MACROD2: variants seen among roughly 807,000 people sequenced by gnomAD.
MACROD2 encodes the protein ADP-ribose glycohydrolase MACROD2.
In MACROD2, 36 loss-of-function variants were observed where a neutral mutation model predicts 70.4. The observed-to-expected ratio is 0.51, with a 90% confidence interval of 0.39 to 0.68. The LOEUF is 0.68. Among genes scored for constraint, MACROD2 ranks in the 30% least tolerant of loss-of-function variants. The probability of loss-of-function intolerance (pLI) is 0.00; values close to 1 mark genes in which losing one functional copy is unlikely to be tolerated. For synonymous variants in MACROD2, 172 were observed against 178.8 expected (o/e 0.96, Z 0.30); for missense variants, 496 against 538.4 (o/e 0.92, Z 0.78).
rs1568825050 is a variant in MACROD2 at position 15,460,993 on chromosome 20, TATA to T, written c.571+29559_571+29561del. On this transcript the variant is annotated intron_variant, in intron 7 of 17. Coordinates refer to ENST00000684519, the MANE Select transcript of MACROD2 (RefSeq NM_001351661.2). ...CTCTCTCTCCATATATATATATATA[TATA>T]TATATATATATTTTTTTTTAATAGA... Among the ~76,000 whole-genome samples, 3 of 81,570 alleles carry T rather than the reference TATA, an allele frequency of 3.7e-5. 1 individual carries two copies. Among genetic ancestry groups the T allele is most frequent in the African/African-American group, 1.5e-4 (3 of 19,966 alleles). 53.5% of individuals were successfully genotyped at this position (81,570 alleles called of 152,430 possible).
intron 8 of MACROD2, among the ~76,000 whole-genome samples, chr20:15,789,693 T>C (rs1319799853): frequency 6.6e-6 from 1 of 151,990 alleles, no homozygotes; most frequent in Non-Finnish European, 1.5e-5. Flanking sequence ...TCAAATTGAT[T>C]AATAACTTTA....
At chr20:14,670,223 T>G (rs2070779365) in intron 4 of MACROD2, among the ~76,000 whole-genome samples, 1 of 152,140 alleles carries the variant, frequency 6.6e-6, no homozygotes, top group Admixed American at 6.6e-5. Context: ...TTACTCCTCA[T>G]TCAGACTGTC....
chr20:15,323,069 G>A (rs562978462), intron 6 of MACROD2, among the ~76,000 whole-genome samples: 1 of 104,052 alleles, frequency 9.6e-6, no homozygotes, highest in African/African-American at 2.9e-5. Context: ...GAATAATGCT[G>A]TATGTTGATG....
In MACROD2 at chr20:15,990,721, C is replaced by A. The variant is rs16996902; in HGVS notation, c.1153+3563C>A. 0.011 allele frequency among the ~76,000 whole-genome samples: 1,723 copies of A among 152,242 alleles called. 100 individuals carry two copies. The East Asian group carries it at 0.17, about 15-fold the overall frequency. ...ATGCCCTTAGGTTCATGTTTTGAAC[C>A]AAGCATGGTCTGACCAGCATGACCT... is the stretch of plus-strand genomic sequence containing the variant. On this transcript the variant is annotated intron_variant, in intron 15 of 17. Transcript: ENST00000684519.
chr20:15,665,974 C>A (rs2146826305), intron 8 of MACROD2, among the ~76,000 whole-genome samples: 1 of 136,504 alleles, frequency 7.3e-6, no homozygotes, highest in East Asian at 2.4e-4. Flanking sequence ...ATATTTCATG[C>A]TGTAGAGAAA....
chr20:14,250,238 C>G (rs545984932), intron 3 of MACROD2, among the ~76,000 whole-genome samples: 1 of 152,046 alleles, frequency 6.6e-6, no homozygotes, highest in Admixed American at 6.5e-5. Context: ...ACTGTCCCAC[C>G]TTTCTGATAA....
At chr20:15,918,986 AGG>A (rs1221986040) in intron 10 of MACROD2, among the ~76,000 whole-genome samples, 1 of 152,192 alleles carries the variant, frequency 6.6e-6, no homozygotes, top group Non-Finnish European at 1.5e-5. Flanking sequence ...GAGAGGGATG[AGG>A]CATTAGACAG....
intron 3 of MACROD2, among the ~76,000 whole-genome samples, chr20:14,176,781 A>G (rs1406935755): frequency 3.3e-5 from 5 of 152,182 alleles, no homozygotes; most frequent in Admixed American, 3.3e-4. Flanking sequence ...TCCATCAACT[A>G]TCCCCTTTAC....
At chr20:14,232,569 C>T (rs955141242) in intron 3 of MACROD2, among the ~76,000 whole-genome samples, 3 of 152,204 alleles carry the variant, frequency 2.0e-5, no homozygotes, top group South Asian at 2.1e-4. Context: ...AACCTACCTC[C>T]GCTAGCTCCC....
chr20:15,696,959 T>C (rs1219914401), intron 8 of MACROD2, among the ~76,000 whole-genome samples: 1 of 152,156 alleles, frequency 6.6e-6, no homozygotes, highest in East Asian at 1.9e-4. Context: ...TCTTGGTTAA[T>C]CTTGCTAATG....
intron 8 of MACROD2, among the ~76,000 whole-genome samples, chr20:15,741,720 G>T (rs2051109169): frequency 6.6e-6 from 1 of 151,840 alleles, no homozygotes; most frequent in African/African-American, 2.4e-5. Flanking sequence ...ATAGCATGTT[G>T]CACCCTCACA....
At chr20:15,649,649 C>T (rs1396665491) in intron 8 of MACROD2, among the ~76,000 whole-genome samples, 2 of 152,130 alleles carry the variant, frequency 1.3e-5, no homozygotes, top group African/African-American at 4.8e-5. Context: ...TTTAGGCCTG[C>T]GATTTCTTAA....
chr20:14,273,548 A>C lies in MACROD2; in HGVS notation c.271+187820A>C, dbSNP rs555230171. Among the ~76,000 whole-genome samples, 330 of 147,886 alleles carry C rather than the reference A, an allele frequency of 2.2e-3. 1 individual carries two copies. Among genetic ancestry groups the C allele is most frequent in the African/African-American group, 7.9e-3 (316 of 39,904 alleles). Reference sequence around the variant, plus strand: ...ATGCCCACAAGAGAAAGCAGGAAAGATCCAAAATTGACACCCTAACATCAC... The same window carrying C: ...ATGCCCACAAGAGAAAGCAGGAAAGCTCCAAAATTGACACCCTAACATCAC... On this transcript the variant is annotated intron_variant, in intron 3 of 17. Coordinates refer to ENST00000684519, the MANE Select transcript of MACROD2 (RefSeq NM_001351661.2).
intron 5 of MACROD2, among the ~76,000 whole-genome samples, chr20:14,972,260 A>G (rs2074698651): frequency 6.6e-6 from 1 of 152,180 alleles, no homozygotes; most frequent in Non-Finnish European, 1.5e-5. Flanking sequence ...GAGTGGAGAA[A>G]GGCTTCTCTT....
intron 4 of MACROD2, among the ~76,000 whole-genome samples, chr20:14,680,252 A>G (rs2070915643): frequency 6.6e-6 from 1 of 152,234 alleles, no homozygotes. Flanking sequence ...AAAGACTCTA[A>G]GAAGCCTAGG....
At chr20:15,473,515 A>C (rs928936966) in intron 7 of MACROD2, among the ~76,000 whole-genome samples, 17 of 152,168 alleles carry the variant, frequency 1.1e-4, no homozygotes, top group African/African-American at 4.1e-4. Flanking sequence ...GCCTGAAGAC[A>C]TCCCCCCAGG....
intron 16 of MACROD2, among the ~76,000 whole-genome samples, chr20:16,043,764 A>G (rs1445462186): frequency 2.0e-5 from 3 of 152,108 alleles, no homozygotes; most frequent in Admixed American, 1.3e-4. Context: ...AATTGAAAGT[A>G]TGGCAAACCA....
intron 5 of MACROD2, among the ~76,000 whole-genome samples, chr20:14,860,934 A>G (rs980523813): frequency 3.3e-5 from 5 of 151,488 alleles, no homozygotes; most frequent in African/African-American, 7.3e-5. Flanking sequence ...CTCCATCTCT[A>G]ACTACATCCC....
intron 5 of MACROD2, among the ~76,000 whole-genome samples, chr20:15,089,010 A>C (rs1223526403): frequency 6.6e-6 from 1 of 152,142 alleles, no homozygotes; most frequent in Non-Finnish European, 1.5e-5. Context: ...ATAGTTGTTT[A>C]CACCCAAGCA....
Sources: gnomAD v4.1 joint callset for allele counts (sites outside exome capture counted in the v4.1 genomes callset) on GRCh38, gnomAD v4.1.1 for gene constraint, MANE v1.5 for transcripts, NCBI Gene and HGNC (gene_info 2026-07-23, HGNC 2026-07-21) for gene names.